Variants in NEGR1 observed in about 807,000 individuals in gnomAD.
The protein encoded by NEGR1 is IgLON family member 4.
A neutral mutation model predicts 40.9 loss-of-function variants in NEGR1; 10 were observed. That is an observed-to-expected ratio of 0.24 (90% CI 0.15 to 0.42). The LOEUF (loss-of-function observed/expected upper bound fraction) is 0.42, where lower values mean the gene tolerates loss of function less well. Among genes scored for constraint, NEGR1 ranks in the 10% least tolerant of loss-of-function variants. The pLI is 1.00. For synonymous variants in NEGR1, 185 were observed against 166.8 expected (o/e 1.11, Z -0.84); for missense variants, 352 against 438.9 (o/e 0.80, Z 1.77).
chr1:71,604,222 T>C (rs1453985390), intron 5 of NEGR1, among the ~76,000 whole-genome samples: 6 of 152,174 alleles, frequency 3.9e-5, no homozygotes, highest in African/African-American at 1.4e-4. Flanking sequence ...GAATTGACTC[T>C]ATGTAAGTGA....
intron 1 of NEGR1, among the ~76,000 whole-genome samples, chr1:72,164,963 T>G (rs981520720): frequency 6.6e-6 from 1 of 152,102 alleles, no homozygotes; most frequent in African/African-American, 2.4e-5. Flanking sequence ...TAGAGTATCC[T>G]TTAAAATATG....
At chr1:71,931,114 A>G (rs765909111) in intron 2 of NEGR1, among the ~76,000 whole-genome samples, 3 of 151,994 alleles carry the variant, frequency 2.0e-5, no homozygotes, top group Non-Finnish European at 4.4e-5. Flanking sequence ...TATTACAAAT[A>G]CTCTAGGTGA....
intron 6 of NEGR1, among the ~76,000 whole-genome samples, chr1:71,462,957 G>A (rs1646723539): frequency 6.6e-6 from 1 of 152,164 alleles, no homozygotes; most frequent in African/African-American, 2.4e-5. Context: ...GAAGCTAGCT[G>A]TGGGTATGCT....
chr1:71,566,701 A>G (rs1174850062), intron 6 of NEGR1, among the ~76,000 whole-genome samples: 3 of 152,190 alleles, frequency 2.0e-5, no homozygotes, highest in East Asian at 3.9e-4. Context: ...ATTTCTGATC[A>G]TGTCATTATA....
chr1:71,965,853 T>C (rs1450391301), intron 1 of NEGR1, among the ~76,000 whole-genome samples: 2 of 152,070 alleles, frequency 1.3e-5, no homozygotes, highest in African/African-American at 2.4e-5. Flanking sequence ...TTGATCCTCA[T>C]AATAAAGTAG....
chr1:71,783,164 G>C lies in NEGR1; in HGVS notation c.410-6867C>G, dbSNP rs958782274. 1.2e-4 allele frequency among the ~76,000 whole-genome samples: 19 copies of C among 152,126 alleles called. 1 individual carries two copies. Among genetic ancestry groups the C allele is most frequent in the African/African-American group, 4.3e-4 (18 of 41,436 alleles). ...TTTTCCAAACTGCTTGAGTCAACAA[G>C]CTAGACGTAACTATAAATCTTGGGA... On this transcript the variant is annotated intron_variant, in intron 2 of 6. Transcript: ENST00000357731.
At chr1:72,129,508 G>A (rs1038975117) in intron 1 of NEGR1, among the ~76,000 whole-genome samples, 6 of 152,148 alleles carry the variant, frequency 3.9e-5, no homozygotes, top group Non-Finnish European at 7.4e-5. Context: ...CACAAGTGGA[G>A]AGTAGAACAA....
intron 4 of NEGR1, among the ~76,000 whole-genome samples, chr1:71,644,621 T>C (rs996013476): frequency 2.6e-5 from 4 of 151,990 alleles, no homozygotes; most frequent in Non-Finnish European, 4.4e-5. Context: ...ATAATAGGTG[T>C]GTGAGATCTT....
chr1:72,282,216 A>T, intron 1 of NEGR1, 103 bp downstream of exon 1: 1 of 1,308,484 alleles, frequency 7.6e-7, no homozygotes, highest in Non-Finnish European at 1.1e-6. Context: ...CATGATGAGC[A>T]CCACCAGCAT....
intron 1 of NEGR1, among the ~76,000 whole-genome samples, chr1:72,065,660 G>GTTTTTC (rs1416487540): frequency 6.6e-6 from 1 of 152,024 alleles, no homozygotes; most frequent in African/African-American, 2.4e-5. Context: ...ATAAAATTAA[G>GTTTTTC]TATGAAGTGT....
At chr1:71,655,529 A>AAT (rs1431758007) in intron 4 of NEGR1, among the ~76,000 whole-genome samples, 1 of 152,210 alleles carries the variant, frequency 6.6e-6, no homozygotes, top group Non-Finnish European at 1.5e-5. Context: ...CCCTAGCATT[A>AAT]ATATAAACAA....
At chr1:72,259,990 C>T (rs1655403182) in intron 1 of NEGR1, among the ~76,000 whole-genome samples, 1 of 151,988 alleles carries the variant, frequency 6.6e-6, no homozygotes, top group African/African-American at 2.4e-5. Flanking sequence ...AAATAATCAG[C>T]TGAAATATAA....
chr1:71,837,498 T>C (rs897631082), intron 2 of NEGR1, among the ~76,000 whole-genome samples: 15 of 152,136 alleles, frequency 9.9e-5, no homozygotes, highest in African/African-American at 3.4e-4. Flanking sequence ...ATTTTGTTGA[T>C]GTTAAATACA....
chr1:71,428,915 C>G (rs112370145), intron 6 of NEGR1, among the ~76,000 whole-genome samples: 2,043 of 151,894 alleles, frequency 0.013, 43 homozygotes, highest in African/African-American at 0.046. Context: ...CATAAAGAAA[C>G]AAATTTTAAA....
chr1:71,472,914 A>C (rs953036741), intron 6 of NEGR1, among the ~76,000 whole-genome samples: 4 of 152,074 alleles, frequency 2.6e-5, no homozygotes, highest in African/African-American at 7.2e-5. Context: ...GAAAAATTAA[A>C]AGATTAAAGA....
rs904824184 is a variant in NEGR1, at chr1:71,764,072, A to G, written c.535+12100T>C. Among the ~76,000 whole-genome samples the G allele has an allele frequency of 8.5e-5, 13 of 152,348 alleles. No individual in the cohort carries two copies. The South Asian group carries it at 2.7e-3, about 32-fold the overall frequency. On this transcript the variant is annotated intron_variant, in intron 3 of 6. Coordinates refer to ENST00000357731, the MANE Select transcript of NEGR1 (RefSeq NM_173808.3). ...CAAATAAAGTCAATTATTACAATTC[A>G]GAAAGTTAATTCCATACAAGTGGTG... is the stretch of plus-strand genomic sequence containing the variant.
intron 2 of NEGR1, among the ~76,000 whole-genome samples, chr1:71,783,488 A>G (rs1367174371): frequency 2.0e-5 from 3 of 152,126 alleles, no homozygotes; most frequent in African/African-American, 7.2e-5. Flanking sequence ...GACTTGTCAC[A>G]GTTTATGGCA....
At chr1:72,117,376 A>G (rs1248231447) in intron 1 of NEGR1, among the ~76,000 whole-genome samples, 2 of 151,826 alleles carry the variant, frequency 1.3e-5, no homozygotes, top group Non-Finnish European at 2.9e-5. Flanking sequence ...TATTATTCAT[A>G]CCAGCAGTGT....
intron 1 of NEGR1, among the ~76,000 whole-genome samples, chr1:71,973,531 G>T (rs932328135): frequency 6.6e-6 from 1 of 151,692 alleles, no homozygotes; most frequent in Non-Finnish European, 1.5e-5. Flanking sequence ...GAAACCATTG[G>T]GATTTTTAAT....
Sources: gnomAD v4.1 joint callset for allele counts (sites outside exome capture counted in the v4.1 genomes callset) on GRCh38, gnomAD v4.1.1 for gene constraint, MANE v1.5 for transcripts, NCBI Gene and HGNC (gene_info 2026-07-23, HGNC 2026-07-21) for gene names.